POLR3A: variants seen among roughly 807,000 people sequenced by gnomAD.
POLR3A encodes RNA polymerase III subunit A, also known as DNA-directed RNA polymerase III subunit RPC1.
In POLR3A, 112 loss-of-function variants were observed where a neutral mutation model predicts 152.8. The ratio of observed to expected loss-of-function variants is 0.73; its 90% CI spans 0.63 to 0.86. The LOEUF is 0.86. POLR3A is among the 40% of genes least tolerant of loss of function. The probability of loss-of-function intolerance (pLI) is 0.00; values close to 1 mark genes in which losing one functional copy is unlikely to be tolerated. For synonymous variants in POLR3A, 615 were observed against 652.1 expected (o/e 0.94, Z 0.87); for missense variants, 1,385 against 1,743.1 (o/e 0.79, Z 3.66).
chr10:78,004,140 AG>A (rs1847387106), intron 16 of POLR3A, among the ~76,000 whole-genome samples: 2 of 151,940 alleles, frequency 1.3e-5, no homozygotes, highest in South Asian at 4.2e-4. Flanking sequence ...AGGGTGAGGC[AG>A]GAGAATTGCT....
In POLR3A at chr10:77,984,109, C is replaced by T. The variant is rs528826808; in HGVS notation, c.3336+96G>A. ...TTTTGAAGAGCTTGAGTAGTGTGGA[C>T]GCCACAGGCTGGTCAATAGATGGCA... On this transcript the variant is annotated intron_variant, in intron 25 of 30. Coordinates refer to ENST00000372371, the MANE Select transcript of POLR3A (RefSeq NM_007055.4). 2.9e-5 allele frequency: 35 copies of T among 1,220,550 alleles called. 1 individual carries two copies. The East Asian group carries it at 3.5e-4, about 12-fold the overall frequency. 75.6% of individuals were successfully genotyped at this position (1,220,550 alleles called of 1,614,324 possible).
At chr10:78,006,117 C>T (rs1181015393) in intron 15 of POLR3A, among the ~76,000 whole-genome samples, 1 of 152,076 alleles carries the variant, frequency 6.6e-6, no homozygotes, top group Non-Finnish European at 1.5e-5. Context: ...ACAAAACAGC[C>T]TGGGCATAGT....
At chr10:78,025,244 C>G in intron 3 of POLR3A, 102 bp from the exon 4 acceptor site, 1 of 1,230,478 alleles carries the variant, frequency 8.1e-7, no homozygotes, top group Non-Finnish European at 1.2e-6. Context: ...AACCACGTGA[C>G]CATATACACA....
rs2131949375 is a variant in POLR3A, at chr10:78,009,684, G to C, written c.1771-9C>G. The stretch of plus-strand genomic sequence containing the variant: ...GTCCACAGGGTGACAGGCTGAGGGG[G>C]GGAGGAAGCCTGAGAGTCAGTGGGC... On this transcript the variant is annotated splice_polypyrimidine_tract_variant and intron_variant, in intron 13 of 30. Transcript: ENST00000372371. 1 of 1,614,184 alleles carries C rather than the reference G, an allele frequency of 6.2e-7. No individual in the cohort carries two copies. Among genetic ancestry groups the C allele is most frequent in the South Asian group, 1.1e-5 (1 of 91,086 alleles).
intron 11 of POLR3A, among the ~76,000 whole-genome samples, chr10:78,011,439 T>TGATA (rs1847465709): frequency 6.6e-6 from 1 of 152,194 alleles, no homozygotes; most frequent in Non-Finnish European, 1.5e-5. Context: ...GCTCTAATCT[T>TGATA]GATATGAAAA....
rs545558351 is a variant in POLR3A, at chr10:77,980,473, C to T, written c.3892-200G>A. Among the ~76,000 whole-genome samples the T allele has an allele frequency of 1.1e-4, 17 of 152,144 alleles. No homozygotes were observed. The South Asian group carries it at 2.7e-3, about 24-fold the overall frequency. On this transcript the variant is annotated intron_variant, in intron 29 of 30. Coordinates refer to ENST00000372371, the MANE Select transcript of POLR3A (RefSeq NM_007055.4). ...CGTCGGCAACATGAAACTTCACACT[C>T]GCATCCAGACGCCATCAGAACAAAG...
intron 10 of POLR3A, among the ~76,000 whole-genome samples, chr10:78,016,264 G>A (rs1458153163): frequency 6.6e-6 from 1 of 152,106 alleles, no homozygotes; most frequent in African/African-American, 2.4e-5. Flanking sequence ...AATATGCAAA[G>A]TTAAATCAAA....
chr10:77,980,158 T>C lies in POLR3A; in HGVS notation c.4007A>G (p.Gln1336Arg). ...AAACCTACCACACACAGAGTCCTTC[T>C]GCCCGAAGTAGGCAGCGTCAAAGAG... ...DHLFDAAYFG[Q>R]KDSVCGVSEC... Residue 1336 changes from glutamine (Q) to arginine (R), a missense_variant, in exon 30 of 31, where the codon CAG becomes CGG. By Grantham distance (43) the Gln-to-Arg change is conservative. Coordinates refer to ENST00000372371, the MANE Select transcript of POLR3A (RefSeq NM_007055.4). The C allele has an allele frequency of 6.2e-7, 1 of 1,614,140 alleles. No individual in the cohort carries two copies. Among genetic ancestry groups the C allele is most frequent in the Non-Finnish European group, 8.5e-7 (1 of 1,179,974 alleles).
chr10:77,996,304 C>A (rs1847299841), intron 19 of POLR3A, among the ~76,000 whole-genome samples: 1 of 152,112 alleles, frequency 6.6e-6, no homozygotes, highest in South Asian at 2.1e-4. Context: ...CAAGAAATAA[C>A]TAAGATCAGA....
rs754144673 is a variant in POLR3A at position 78,022,190 on chromosome 10, T to C, written c.840A>G (p.Thr280=). 3.7e-6 allele frequency: 6 copies of C among 1,614,210 alleles called. No individual in the cohort carries two copies. Among genetic ancestry groups the C allele is most frequent in the Admixed American group, 3.3e-5 (2 of 60,032 alleles). The stretch of plus-strand genomic sequence containing the variant: ...GGAAAATGATTTCTGTCAGTTTCAT[T>C]GTCAGATCATCTTCATTGGTGCCAG... ...LKSGTNEDDL[T]MKLTEIIFLN... The change falls in exon 6 of 31, where the codon ACA becomes ACG. Residue 280 remains threonine, a synonymous_variant. Transcript: ENST00000372371.
chr10:78,024,789 G>A, intron 4 of POLR3A, 86 bp from the exon 5 acceptor site: 1 of 1,377,188 alleles, frequency 7.3e-7, no homozygotes, highest in South Asian at 1.2e-5. Flanking sequence ...TGAAATTACT[G>A]AAACTACTAT....
At chr10:77,992,275 CTTTT>C (rs879321306) in intron 20 of POLR3A, among the ~76,000 whole-genome samples, 1 of 141,228 alleles carries the variant, frequency 7.1e-6, no homozygotes. Context: ...TTTTTTTCAT[CTTTT>C]TTTTTTTTTT....
intron 5 of POLR3A, 82 bp downstream of exon 5, chr10:78,024,467 T>C: frequency 2.8e-6 from 4 of 1,442,976 alleles, no homozygotes; most frequent in Non-Finnish European, 3.8e-6. Context: ...TGGGGCGGAG[T>C]TGGGGGAGAG....
At chr10:77,999,428 A>G (rs1847333989) in intron 19 of POLR3A, among the ~76,000 whole-genome samples, 1 of 152,164 alleles carries the variant, frequency 6.6e-6, no homozygotes, top group Admixed American at 6.5e-5. Context: ...CCATTAGGGT[A>G]CTTTTGTGGT....
chr10:77,986,785 T>C (rs537396689), intron 21 of POLR3A, among the ~76,000 whole-genome samples: 168 of 152,252 alleles, frequency 1.1e-3, no homozygotes, highest in South Asian at 6.6e-3. Flanking sequence ...CTGGAAACCA[T>C]TGTCAAAGCC....
In POLR3A at chr10:78,012,561, T is replaced by C. The variant is rs1393267495; in HGVS notation, c.1572+1089A>G. Among the ~76,000 whole-genome samples, 6 of 151,962 alleles carry C rather than the reference T, an allele frequency of 3.9e-5. 1 individual carries two copies. The highest frequency in any genetic ancestry group is 9.7e-5 in the African/African-American group (4 of 41,360). On this transcript the variant is annotated intron_variant, in intron 11 of 30. Transcript: ENST00000372371. ...CTATAAGACTTACCAGTTCCTAATATAGGAAGCTGGAATACTGAAAAAAGA... is the reference window on the plus strand; with the variant it reads ...CTATAAGACTTACCAGTTCCTAATACAGGAAGCTGGAATACTGAAAAAAGA...
intron 29 of POLR3A, among the ~76,000 whole-genome samples, chr10:77,981,090 A>G (rs1047631160): frequency 5.9e-5 from 9 of 152,204 alleles, no homozygotes; most frequent in Admixed American, 3.3e-4. Flanking sequence ...TAAGAAAGAA[A>G]CACCTCAACT....
rs1432989051 is a variant in POLR3A at position 77,986,152 on chromosome 10, TTTA to T, written c.2906_2908del (p.Ile969del). On this transcript the variant is annotated inframe_deletion, in exon 22 of 31. Coordinates refer to ENST00000372371, the MANE Select transcript of POLR3A (RefSeq NM_007055.4). ...CTCAGAGACCCCCTTAATGAATTTT[TTTA>T]TTTCCTGAAAGATTACACAGCAAAC... The T allele has an allele frequency of 6.7e-7, 1 of 1,497,044 alleles. No individual in the cohort carries two copies. Among genetic ancestry groups the T allele is most frequent in the East Asian group, 2.3e-5 (1 of 44,342 alleles). 92.7% of individuals were successfully genotyped at this position (1,497,044 alleles called of 1,614,324 possible). A position where few individuals can be genotyped will look rare whatever the true frequency, so the allele number is the denominator to read the frequency against.
At chr10:78,028,540 T>A (rs1028142476) in intron 1 of POLR3A, among the ~76,000 whole-genome samples, 2 of 151,296 alleles carry the variant, frequency 1.3e-5, no homozygotes, top group African/African-American at 4.9e-5. Flanking sequence ...AGACACCGTC[T>A]CACTCTGTCA....
Sources: allele counts gnomAD v4.1 joint callset (sites outside exome capture counted in the v4.1 genomes callset), GRCh38; gene constraint gnomAD v4.1.1; transcripts MANE v1.5; gene names NCBI Gene and HGNC (gene_info 2026-07-23, HGNC 2026-07-21).